NEGR1: variants seen among roughly 807,000 people sequenced by gnomAD.
The protein encoded by NEGR1 is neuronal growth regulator 1.
A neutral mutation model predicts 40.9 loss-of-function variants in NEGR1; 10 were observed. The ratio of observed to expected loss-of-function variants is 0.24; its 90% CI spans 0.15 to 0.42. NEGR1 has a LOEUF of 0.42. Among genes scored for constraint, NEGR1 ranks in the 10% least tolerant of loss-of-function variants. The probability of loss-of-function intolerance (pLI) is 1.00; values close to 1 mark genes in which losing one functional copy is unlikely to be tolerated. For synonymous variants in NEGR1, 185 were observed against 166.8 expected, an observed-to-expected ratio of 1.11 and a Z score of -0.84; for missense variants, 352 against 438.9, an observed-to-expected ratio of 0.80 and a Z score of 1.77.
intron 4 of NEGR1, among the ~76,000 whole-genome samples, chr1:71,683,425 A>G (rs1442231764): frequency 2.8e-5 from 4 of 141,486 alleles, no homozygotes; most frequent in Non-Finnish European, 6.1e-5. Flanking sequence ...ATTTCAATTA[A>G]TTTTACAGCT....
intron 3 of NEGR1, among the ~76,000 whole-genome samples, chr1:71,738,580 C>T (rs1036537232): frequency 6.6e-6 from 1 of 152,040 alleles, no homozygotes; most frequent in African/African-American, 2.4e-5. Context: ...GAGGAAGGAG[C>T]TCTTAGTAAC....
intron 2 of NEGR1, among the ~76,000 whole-genome samples, chr1:71,780,509 T>C (rs1156596035): frequency 1.3e-5 from 2 of 152,224 alleles, no homozygotes; most frequent in African/African-American, 4.8e-5. Context: ...TTAATTGTTG[T>C]GTATTACCAG....
At chr1:71,568,663 C>T (rs1648701050) in intron 6 of NEGR1, among the ~76,000 whole-genome samples, 1 of 151,798 alleles carries the variant, frequency 6.6e-6, no homozygotes. Flanking sequence ...CACATATATA[C>T]ATCTATATAC....
intron 2 of NEGR1, among the ~76,000 whole-genome samples, chr1:71,836,074 T>C (rs1376489579): frequency 1.3e-5 from 2 of 152,086 alleles, no homozygotes; most frequent in African/African-American, 2.4e-5. Context: ...CATTATCTCA[T>C]ACTGCCTCTA....
chr1:71,762,152 T>C (rs1655966640), intron 3 of NEGR1, among the ~76,000 whole-genome samples: 1 of 151,856 alleles, frequency 6.6e-6, no homozygotes, highest in African/African-American at 2.4e-5. Flanking sequence ...GAGCAATTAC[T>C]TAAAAAGCTG....
chr1:72,128,617 CAA>C (rs929200002), intron 1 of NEGR1, among the ~76,000 whole-genome samples: 1 of 151,986 alleles, frequency 6.6e-6, no homozygotes, highest in African/African-American at 2.4e-5. Flanking sequence ...CATTATTTTA[CAA>C]AGAGTCATAA....
intron 3 of NEGR1, among the ~76,000 whole-genome samples, chr1:71,732,661 A>G (rs1654922059): frequency 6.6e-6 from 1 of 152,066 alleles, no homozygotes; most frequent in African/African-American, 2.4e-5. Context: ...TTTTCCTGAC[A>G]CTTTCCAAAG....
rs1369817875 is a variant in NEGR1, at chr1:71,401,578, C to T, written c.*5868G>A. ...TAGAATCTTTCTCTTGTTCTACTGT[C>T]CCAGCACAAACAGATGTTCATGTTA... On this transcript the variant is annotated 3_prime_UTR_variant, in exon 7 of 7. Coordinates refer to ENST00000357731, the MANE Select transcript of NEGR1 (RefSeq NM_173808.3). The T allele has an allele frequency of 2.0e-5, 3 of 152,144 alleles. No homozygotes were observed. Among genetic ancestry groups the T allele is most frequent in the Non-Finnish European group, 4.4e-5 (3 of 68,014 alleles). The allele number at this position is 152,144 out of a possible 1,614,324, so 9.4% of individuals were successfully genotyped here. A position where few individuals can be genotyped will look rare whatever the true frequency, so the allele number is the denominator to read the frequency against.
rs1402985403 is a variant in NEGR1 at position 71,696,320 on chromosome 1, C to T, written c.667+1688G>A. Among the ~76,000 whole-genome samples, 7 of 151,692 alleles carry T rather than the reference C, an allele frequency of 4.6e-5. No individual in the cohort carries two copies. In the South Asian group the frequency reaches 1.0e-3, roughly 22 times the overall value. ...AGAATAAAAAGTGTTAATCCAAAAA[C>T]AATTGTGGCTTGTATATGGAGTATA... On this transcript the variant is annotated intron_variant, in intron 4 of 6. Transcript: ENST00000357731.
intron 1 of NEGR1, among the ~76,000 whole-genome samples, chr1:71,985,312 C>A (rs914227453): frequency 6.6e-6 from 1 of 152,058 alleles, no homozygotes; most frequent in Non-Finnish European, 1.5e-5. Context: ...TTCTTGAATT[C>A]GCTCCCTTCT....
chr1:72,167,169 A>AC (rs1651798768), intron 1 of NEGR1, among the ~76,000 whole-genome samples: 1 of 152,148 alleles, frequency 6.6e-6, no homozygotes, highest in Non-Finnish European at 1.5e-5. Flanking sequence ...TAAGAAAAAA[A>AC]CATTTTGTCA....
At chr1:71,807,921 A>T (rs1224552290) in intron 2 of NEGR1, among the ~76,000 whole-genome samples, 1 of 152,200 alleles carries the variant, frequency 6.6e-6, no homozygotes, top group Non-Finnish European at 1.5e-5. Flanking sequence ...GTCATATATT[A>T]TAATTTGTTC....
intron 4 of NEGR1, among the ~76,000 whole-genome samples, chr1:71,657,940 A>G (rs977224531): frequency 3.3e-5 from 5 of 152,154 alleles, no homozygotes; most frequent in Non-Finnish European, 7.4e-5. Flanking sequence ...CATTAACCTA[A>G]ACAGTTTTAG....
chr1:71,594,880 C>T (rs1280436454), intron 5 of NEGR1, among the ~76,000 whole-genome samples: 1 of 152,200 alleles, frequency 6.6e-6, no homozygotes, highest in Non-Finnish European at 1.5e-5. Context: ...CAGAAACTCC[C>T]TAGACTACTA....
At chr1:72,091,029 C>T (rs1004812712) in intron 1 of NEGR1, among the ~76,000 whole-genome samples, 1 of 152,146 alleles carries the variant, frequency 6.6e-6, no homozygotes, top group African/African-American at 2.4e-5. Context: ...TCACCTGCAT[C>T]TGATAAATGA....
intron 6 of NEGR1, among the ~76,000 whole-genome samples, chr1:71,504,704 G>T (rs1355110830): frequency 1.3e-5 from 2 of 152,010 alleles, no homozygotes; most frequent in African/African-American, 4.8e-5. Flanking sequence ...ACCAACCAAG[G>T]GGTACAAAAG....
chr1:71,417,352 G>GT (rs144716778), intron 6 of NEGR1, among the ~76,000 whole-genome samples: 5,406 of 152,150 alleles, frequency 0.036, 129 homozygotes, highest in Non-Finnish European at 0.053. Flanking sequence ...TTGGGATGAG[G>GT]TTTTACTATA....
chr1:71,918,198 C>CAGAACG (rs1009736648), intron 2 of NEGR1, among the ~76,000 whole-genome samples: 5 of 97,246 alleles, frequency 5.1e-5, no homozygotes, highest in African/African-American at 8.0e-5. Context: ...GCCTGGGCGA[C>CAGAACG]AGAACGAGAC....
intron 4 of NEGR1, among the ~76,000 whole-genome samples, chr1:71,674,092 C>A (rs1041114658): frequency 1.3e-5 from 2 of 152,022 alleles, no homozygotes; most frequent in African/African-American, 4.8e-5. Context: ...ATTTATTTCT[C>A]AAAAGTCATA....
Sources: gnomAD v4.1 joint callset for allele counts (sites outside exome capture counted in the v4.1 genomes callset) on GRCh38, gnomAD v4.1.1 for gene constraint, MANE v1.5 for transcripts, NCBI Gene and HGNC (gene_info 2026-07-23, HGNC 2026-07-21) for gene names.